Variants in LAMA2 observed in about 807,000 individuals in gnomAD.
The protein encoded by LAMA2 is laminin subunit alpha 2, also known as laminin subunit alpha-2.
A neutral mutation model predicts 364.8 loss-of-function variants in LAMA2; 269 were observed. The ratio of observed to expected loss-of-function variants is 0.74; its 90% confidence interval spans 0.67 to 0.82. LAMA2 has a LOEUF of 0.82. Ranked by LOEUF, LAMA2 falls within the 40% of genes least tolerant of loss-of-function variation. The pLI, the probability that LAMA2 is intolerant of heterozygous loss-of-function variation, is 0.00. For missense variants in LAMA2, 3,807 were observed against 3,873.2 expected, an observed-to-expected ratio of 0.98 and a Z score of 0.45; for synonymous variants, 1,379 against 1,370.6, an observed-to-expected ratio of 1.01 and a Z score of -0.14.
intron 12 of LAMA2, among the ~76,000 whole-genome samples, chr6:129,238,198 A>G (rs932436610): frequency 5.3e-5 from 8 of 152,080 alleles, no homozygotes; most frequent in Admixed American, 2.6e-4. Flanking sequence ...AAGAGAGACA[A>G]TTATATTTTT....
intron 35 of LAMA2, among the ~76,000 whole-genome samples, chr6:129,385,709 C>A (rs781002053): frequency 1.3e-5 from 2 of 152,098 alleles, no homozygotes; most frequent in African/African-American, 4.8e-5. Context: ...TTTTATTCCA[C>A]GCATTATTAG....
intron 2 of LAMA2, among the ~76,000 whole-genome samples, chr6:129,056,078 A>G (rs1159335945): frequency 6.6e-6 from 1 of 152,194 alleles, no homozygotes; most frequent in Admixed American, 6.5e-5. Context: ...CAATTACCTA[A>G]GAGCCATGAA....
intron 1 of LAMA2, among the ~76,000 whole-genome samples, chr6:129,024,862 C>A (rs111464404): frequency 4.6e-5 from 7 of 151,988 alleles, no homozygotes; most frequent in Non-Finnish European, 1.0e-4. Context: ...GACAGGAGGA[C>A]CCTTTGAGCT....
intron 49 of LAMA2, among the ~76,000 whole-genome samples, chr6:129,463,075 G>T (rs1435555443): frequency 1.3e-5 from 2 of 151,970 alleles, no homozygotes; most frequent in Non-Finnish European, 2.9e-5. Flanking sequence ...AAAATCTGCT[G>T]CAAGTAAAAT....
At chr6:129,371,194 T>C (rs1477649740) in intron 34 of LAMA2, among the ~76,000 whole-genome samples, 1 of 152,080 alleles carries the variant, frequency 6.6e-6, no homozygotes, top group Non-Finnish European at 1.5e-5. Context: ...AAGTTACGTG[T>C]TGGCAGATGA....
intron 1 of LAMA2, among the ~76,000 whole-genome samples, chr6:129,008,542 C>G (rs1206820193): frequency 6.6e-6 from 1 of 151,934 alleles, no homozygotes. Context: ...TTTTTGATCC[C>G]GGGTCTACAT....
At chr6:128,979,716 T>C (rs142543135) in intron 1 of LAMA2, among the ~76,000 whole-genome samples, 2 of 152,320 alleles carry the variant, frequency 1.3e-5, no homozygotes, top group East Asian at 3.9e-4. Flanking sequence ...TTGCAAAGTA[T>C]TGAGTTTTGT....
At chr6:129,437,495 C>G (rs1781890771) in intron 41 of LAMA2, among the ~76,000 whole-genome samples, 1 of 151,896 alleles carries the variant, frequency 6.6e-6, no homozygotes, top group Admixed American at 6.6e-5. Flanking sequence ...TCTCAGTGGT[C>G]CTCCTCACTT....
intron 1 of LAMA2, among the ~76,000 whole-genome samples, chr6:129,014,948 T>C (rs1037249722): frequency 8.6e-5 from 13 of 151,944 alleles, no homozygotes; most frequent in African/African-American, 3.1e-4. Context: ...TATTTTGACA[T>C]GAAGAACTAT....
At chr6:129,253,085 G>T (rs1039801228) in intron 14 of LAMA2, among the ~76,000 whole-genome samples, 4 of 150,076 alleles carry the variant, frequency 2.7e-5, no homozygotes, top group African/African-American at 1.0e-4. Flanking sequence ...AAATATGCTC[G>T]GGTCTGATTA....
At chr6:129,182,872 G>C (rs1277946126) in intron 10 of LAMA2, among the ~76,000 whole-genome samples, 1 of 151,714 alleles carries the variant, frequency 6.6e-6, no homozygotes, top group Non-Finnish European at 1.5e-5. Context: ...CATGGGTAAT[G>C]CATGTTATAT....
intron 46 of LAMA2, among the ~76,000 whole-genome samples, chr6:129,453,535 T>C (rs1413350693): frequency 1.3e-5 from 2 of 152,202 alleles, no homozygotes; most frequent in African/African-American, 4.8e-5. Flanking sequence ...GTGTACTATT[T>C]TTTTTACCAA....
At chr6:128,947,490 A>G (rs1212490032) in intron 1 of LAMA2, among the ~76,000 whole-genome samples, 1 of 152,222 alleles carries the variant, frequency 6.6e-6, no homozygotes, top group African/African-American at 2.4e-5. Flanking sequence ...CCAATTTTAT[A>G]ATTTTACTCT....
Position 129,512,377 on chromosome 6 carries a change from G to C in LAMA2, c.8872G>C (p.Val2958Leu). ...GFAKAVGGFK[V>L]GLDLLVEFEF... ...TCATTTTACAGTTGGTGGATTCAAA[G>C]TGGGATTGGACCTTCTTGTAGAATT... The change falls in exon 63 of 65, where the codon GTG (valine) becomes CTG (leucine). Residue 2958 changes from valine to leucine, a missense_variant. Transcript: ENST00000421865. 2.5e-6 allele frequency: 4 copies of C among 1,613,608 alleles called. No individual in the cohort carries two copies. In the South Asian group the frequency reaches 4.4e-5, roughly 18 times the overall value.
At chr6:129,011,624 G>C (rs988959483) in intron 1 of LAMA2, among the ~76,000 whole-genome samples, 5 of 152,122 alleles carry the variant, frequency 3.3e-5, no homozygotes, top group South Asian at 4.1e-4. Flanking sequence ...AGTGTGCTTA[G>C]CCTCAAGACT....
At chr6:129,307,492 C>G (rs1014677634) in intron 22 of LAMA2, among the ~76,000 whole-genome samples, 3 of 152,220 alleles carry the variant, frequency 2.0e-5, no homozygotes, top group Non-Finnish European at 4.4e-5. Flanking sequence ...AAACTCCACT[C>G]TTTGTCTCTC....
intron 32 of LAMA2, among the ~76,000 whole-genome samples, chr6:129,364,325 T>A (rs975695199): frequency 6.6e-6 from 1 of 152,196 alleles, no homozygotes. Context: ...CCTAATTGAA[T>A]TCTTGCCAAG....
chr6:129,493,203 A>G (rs1481197086), intron 58 of LAMA2, among the ~76,000 whole-genome samples: 4 of 152,176 alleles, frequency 2.6e-5, no homozygotes, highest in Non-Finnish European at 5.9e-5. Flanking sequence ...TAAACATCAT[A>G]TAAATGTGTA....
In LAMA2 at chr6:129,491,933, GATACATGCA is replaced by G. The variant is rs762065775; in HGVS notation, c.7933_7941del (p.Tyr2645_Gln2647del). 8.1e-6 allele frequency: 13 copies of G among 1,613,706 alleles called. No individual in the cohort carries two copies. In the South Asian group the frequency reaches 1.3e-4, roughly 16 times the overall value. ...ACAGTTCAAGTGGATGAAAACAGAA[GATACATGCA>G]AAACCTGACAGTTGAACAGCCTATC... On this transcript the variant is annotated inframe_deletion, in exon 57 of 65. Coordinates refer to ENST00000421865, the MANE Select transcript of LAMA2 (RefSeq NM_000426.4).
Sources: allele counts gnomAD v4.1 joint callset (sites outside exome capture counted in the v4.1 genomes callset), GRCh38; gene constraint gnomAD v4.1.1; transcripts MANE v1.5; gene names NCBI Gene and HGNC (gene_info 2026-07-23, HGNC 2026-07-21).